Variants in ATP13A4 observed in about 807,000 individuals in gnomAD.
ATP13A4 encodes ATPase 13A4.
Under a neutral mutation model 142.5 loss-of-function variants are expected in ATP13A4, and 114 were observed. The ratio of observed to expected loss-of-function variants is 0.80; its 90% confidence interval spans 0.69 to 0.93. ATP13A4 has a LOEUF of 0.93. ATP13A4 is among the 40% of genes least tolerant of loss of function. The pLI, the probability that ATP13A4 is intolerant of heterozygous loss-of-function variation, is 0.00. For synonymous variants in ATP13A4, 488 were observed against 514.8 expected, an observed-to-expected ratio of 0.95 and a Z score of 0.70; for missense variants, 1,392 against 1,454.0, an observed-to-expected ratio of 0.96 and a Z score of 0.69.
At chr3:193,499,535 G>A (rs556470829) in intron 3 of ATP13A4, among the ~76,000 whole-genome samples, 6 of 152,262 alleles carry the variant, frequency 3.9e-5, no homozygotes, top group African/African-American at 1.4e-4. Context: ...TGCGCCTGAA[G>A]TTCATTTTGC....
chr3:193,404,235 C>T, intron 29 of ATP13A4: 1 of 798,522 alleles, frequency 1.3e-6, no homozygotes, highest in African/African-American at 1.9e-5. Flanking sequence ...CCTTAGCAAA[C>T]CTTAAAACAA....
In ATP13A4 at chr3:193,402,490, T is replaced by G. The variant is rs1576925944; in HGVS notation, c.*162A>C. 9.6e-6 allele frequency: 6 copies of G among 625,768 alleles called. No individual in the cohort carries two copies. The East Asian group carries it at 1.7e-4, about 17-fold the overall frequency. 38.8% of individuals were successfully genotyped at this position (625,768 alleles called of 1,614,324 possible). ...TCTTCTGGGTCAATGTTCTTCTCTG[T>G]AGACAGTATTTTATCAAACAGACTT... On this transcript the variant is annotated 3_prime_UTR_variant, in exon 30 of 30. Transcript: ENST00000342695.
chr3:193,499,653 T>C (rs994386952), intron 3 of ATP13A4, among the ~76,000 whole-genome samples: 11 of 152,202 alleles, frequency 7.2e-5, no homozygotes, highest in East Asian at 1.9e-4. Flanking sequence ...TGAAAATCCA[T>C]TGACTTCAGG....
chr3:193,520,641 A>G (rs888054844), intron 1 of ATP13A4, among the ~76,000 whole-genome samples: 5 of 152,166 alleles, frequency 3.3e-5, no homozygotes, highest in African/African-American at 1.2e-4. Context: ...GTTCACAATC[A>G]CTTTAGTGTG....
chr3:193,570,877 T>A (rs925161281), intron 2 of ATP13A4, among the ~76,000 whole-genome samples: 1 of 152,214 alleles, frequency 6.6e-6, no homozygotes. Flanking sequence ...ATGACATATA[T>A]ACAATGCTTA....
intron 2 of ATP13A4, among the ~76,000 whole-genome samples, chr3:193,578,529 A>G (rs1724459683): frequency 6.6e-6 from 1 of 152,106 alleles, no homozygotes; most frequent in Non-Finnish European, 1.5e-5. Context: ...GACTGGATTA[A>G]GAGACACCAT....
intron 1 of ATP13A4, among the ~76,000 whole-genome samples, chr3:193,591,504 C>G (rs1329212221): frequency 1.3e-5 from 2 of 152,242 alleles, no homozygotes; most frequent in Non-Finnish European, 2.9e-5. Flanking sequence ...TCAGGACATA[C>G]AGACCTAAAG....
chr3:193,503,272 T>C (rs1346629508), intron 2 of ATP13A4, among the ~76,000 whole-genome samples: 2 of 152,164 alleles, frequency 1.3e-5, no homozygotes, highest in Non-Finnish European at 2.9e-5. Flanking sequence ...GCCAAGATGT[T>C]AGCACAGGTG....
intron 1 of ATP13A4, among the ~76,000 whole-genome samples, chr3:193,543,167 C>CA (rs566660322): frequency 0.084 from 9,674 of 115,098 alleles, 448 homozygotes; most frequent in Non-Finnish European, 0.1. Flanking sequence ...GACTCCATCT[C>CA]AAAAAAAAAA....
upstream of ATP13A4, among the ~76,000 whole-genome samples, chr3:193,556,501 G>A (rs930878322): frequency 6.7e-6 from 1 of 149,282 alleles, no homozygotes; most frequent in Non-Finnish European, 1.5e-5. Context: ...GTATGTGTGT[G>A]TGTGTGTGTA....
At chr3:193,574,579 T>TGTG (rs35812063) in intron 2 of ATP13A4, among the ~76,000 whole-genome samples, 79,383 of 151,644 alleles carry the variant, frequency 0.52, 21,498 homozygotes, top group African/African-American at 0.66. Flanking sequence ...ATCAGGTGGG[T>TGTG]GTGGCATGCA....
At position 193,402,528 on chromosome 3, in the gene ATP13A4, A is replaced by G. The variant is rs1024298190; in HGVS notation, c.*124T>C. The G allele has an allele frequency of 2.1e-5, 14 of 675,674 alleles. No homozygotes were observed. The highest frequency in any genetic ancestry group is 2.7e-5 in the Non-Finnish European group (10 of 373,420). The allele number at this position is 675,674 out of a possible 1,614,324, so 41.9% of individuals were successfully genotyped here. ...ATCAAACAGACTTTAGTTTGTCACC[A>G]TGATTTGATAGGTAGCCCCAAAACT... On this transcript the variant is annotated 3_prime_UTR_variant, in exon 30 of 30. Coordinates refer to ENST00000342695, the MANE Select transcript of ATP13A4 (RefSeq NM_032279.4).
chr3:193,459,268 C>T (rs1447968311), intron 13 of ATP13A4, 37 bp from the exon 14 acceptor site: 3 of 1,613,132 alleles, frequency 1.9e-6, no homozygotes, highest in Non-Finnish European at 2.5e-6. Context: ...CATTCCATCG[C>T]CTCATGCCAA....
At chr3:193,541,203 C>G (rs1297299916) in intron 1 of ATP13A4, among the ~76,000 whole-genome samples, 2 of 138,696 alleles carry the variant, frequency 1.4e-5, no homozygotes, top group Non-Finnish European at 3.1e-5. Flanking sequence ...GAGCCGAGAT[C>G]GAGCCACTGC....
rs370955515 is a variant in ATP13A4 at position 193,495,648 on chromosome 3, T to A, written c.382-2488A>T. Among the ~76,000 whole-genome samples, 100 of 152,064 alleles carry A rather than the reference T, an allele frequency of 6.6e-4. 1 individual carries two copies. Among genetic ancestry groups the A allele is most frequent in the African/African-American group, 2.2e-3 (93 of 41,512 alleles). ...ATACAAAATTGGAAAATATTGAAAG[T>A]TTTTCCTCTAAGACCTAGAACAAGA... is the stretch of plus-strand genomic sequence containing the variant. On this transcript the variant is annotated intron_variant, in intron 3 of 29. Transcript: ENST00000342695.
chr3:193,537,233 G>A (rs1044060897), intron 1 of ATP13A4, among the ~76,000 whole-genome samples: 1 of 152,074 alleles, frequency 6.6e-6, no homozygotes, highest in Non-Finnish European at 1.5e-5. Context: ...AATCAAGACT[G>A]TATGGCATTG....
intron 24 of ATP13A4, 92 bp downstream of exon 24, chr3:193,435,556 T>C (rs187447641): frequency 9.9e-7 from 1 of 1,006,788 alleles, no homozygotes; most frequent in East Asian, 2.4e-5. Flanking sequence ...ATATCCTATT[T>C]GTACTCTTTC....
At chr3:193,438,331 G>A (rs2108620554) in intron 23 of ATP13A4, 144 bp downstream of exon 23, 1 of 703,512 alleles carries the variant, frequency 1.4e-6, no homozygotes, top group East Asian at 2.8e-5. Context: ...CCATTTGGAA[G>A]TAGAATGCTT....
chr3:193,464,939 C>G lies in ATP13A4; in HGVS notation c.1461+1G>C, dbSNP rs770102777. ...TAAGAATAAGGATGAAACACACATACCTTGTCAAAGCAGACAAGGTTTAAC... is the reference window on the plus strand; with the variant it reads ...TAAGAATAAGGATGAAACACACATAGCTTGTCAAAGCAGACAAGGTTTAAC... On this transcript the variant is annotated splice_donor_variant, in intron 12 of 29. Transcript: ENST00000342695. LOFTEE classifies it high-confidence loss of function. 1.7e-5 allele frequency: 28 copies of G among 1,613,378 alleles called. No homozygotes were observed. Among genetic ancestry groups the G allele is most frequent in the Non-Finnish European group, 2.2e-5 (26 of 1,179,558 alleles).
Sources: gnomAD v4.1 joint callset for allele counts (sites outside exome capture counted in the v4.1 genomes callset) on GRCh38, gnomAD v4.1.1 for gene constraint, MANE v1.5 for transcripts, NCBI Gene and HGNC (gene_info 2026-07-23, HGNC 2026-07-21) for gene names.